Variants in SYDE1 observed in about 807,000 individuals in gnomAD.
The protein encoded by SYDE1 is rho GTPase-activating protein SYDE1.
In SYDE1, 34 loss-of-function variants were observed where a neutral mutation model predicts 63.3. That is an observed-to-expected ratio of 0.54 (90% CI 0.41 to 0.71). The LOEUF is 0.71. Ranked by LOEUF, SYDE1 falls within the 30% of genes least tolerant of loss-of-function variation. The pLI is 0.00. For synonymous variants in SYDE1, 467 were observed against 473.4 expected (o/e 0.99, Z 0.18); for missense variants, 925 against 1,042.5 (o/e 0.89, Z 1.55).
Position 15,111,891 on chromosome 19 carries a change from GCAT to G in SYDE1, c.1578+106_1578+108del. On this transcript the variant is annotated intron_variant, in intron 6 of 7. Transcript: ENST00000342784. The surrounding 1 kb of genome is among the most constrained non-coding windows in gnomAD (Gnocchi z 5.5). ...GGCCTGAGATGGGCATGAGCTGGCA[GCAT>G]CATCATATCCCCAAGAAATAGGTGC... is the stretch of plus-strand genomic sequence containing the variant. 3 of 1,210,168 alleles carry G rather than the reference GCAT, an allele frequency of 2.5e-6. No homozygotes were observed. Among genetic ancestry groups the G allele is most frequent in the Non-Finnish European group, 3.4e-6 (3 of 877,854 alleles). 75.0% of individuals were successfully genotyped at this position (1,210,168 alleles called of 1,614,324 possible).
rs1451371334 is a variant in SYDE1, at chr19:15,113,903, C to T, written c.2148C>T (p.Phe716=). 4.3e-6 allele frequency: 7 copies of T among 1,613,996 alleles called. No individual in the cohort carries two copies. Among genetic ancestry groups the T allele is most frequent in the Admixed American group, 1.7e-5 (1 of 60,014 alleles). Residue 716 remains phenylalanine (F), a synonymous_variant, in exon 8 of 8, where the codon TTC becomes TTT. Transcript: ENST00000342784. ...PFNPHLNLKD[F]DALILDLERE... is the part of the protein sequence containing the mutation. ...ACCCGCACCTGAATCTCAAAGACTT[C>T]GACGCCCTCATCCTGGATCTGGAGA...
chr19:15,113,031 A>G lies in SYDE1; in HGVS notation c.1804+460A>G, dbSNP rs181055749. 1.2e-3 allele frequency among the ~76,000 whole-genome samples: 187 copies of G among 152,142 alleles called. No individual in the cohort carries two copies. In the Middle Eastern group the frequency reaches 0.027, roughly 22 times the overall value. On this transcript the variant is annotated intron_variant, in intron 7 of 7. Coordinates refer to ENST00000342784, the MANE Select transcript of SYDE1 (RefSeq NM_033025.6). ...GGGATTCTCCCACCTCAGCCTCCCG[A>G]GTAGCTGGGATTATAGGCACGCACC...
At position 15,107,514 on chromosome 19, in the gene SYDE1, G is replaced by A; in HGVS notation, c.81G>A (p.Lys27=). The A allele has an allele frequency of 6.5e-7, 1 of 1,543,952 alleles. No homozygotes were observed. The highest frequency in any genetic ancestry group is 8.8e-7 in the Non-Finnish European group (1 of 1,142,034). Residue 27 remains lysine (K), a synonymous_variant, in exon 1 of 8, where the codon AAG becomes AAA. Coordinates refer to ENST00000342784, the MANE Select transcript of SYDE1 (RefSeq NM_033025.6). ...TTCCCCGGAAAAAGTCGGACGCCAAGGAGCGCGGTAAGCGGAGATCGGTGG... is the reference window on the plus strand; with the variant it reads ...TTCCCCGGAAAAAGTCGGACGCCAAAGAGCGCGGTAAGCGGAGATCGGTGG... ...EKLPRKKSDA[K]ERGHPAQRPE...
chr19:15,108,959 G>A lies in SYDE1; in HGVS notation c.89-97G>A, dbSNP rs964217499. ...CCATGACTTATCAGGGGCCGGCCAG[G>A]GCCGTACACAGCATCCCACCCACTG... On this transcript the variant is annotated intron_variant, in intron 1 of 7. Coordinates refer to ENST00000342784, the MANE Select transcript of SYDE1 (RefSeq NM_033025.6). The surrounding 1 kb of genome is among the most constrained non-coding windows in gnomAD (Gnocchi z 4.3). 7.0e-7 allele frequency: 1 copy of A among 1,423,642 alleles called. No homozygotes were observed. The highest frequency in any genetic ancestry group is 9.1e-7 in the Non-Finnish European group (1 of 1,092,928). 88.2% of individuals were successfully genotyped at this position (1,423,642 alleles called of 1,614,324 possible). A position where few individuals can be genotyped will look rare whatever the true frequency, so the allele number is the denominator to read the frequency against.
rs1406057941 is a variant in SYDE1, at chr19:15,111,659, T to TGCCCACCCCACTCATCACCCA, written c.1450_1470dup (p.Thr484_Pro490dup). 1 of 1,613,988 alleles carries TGCCCACCCCACTCATCACCCA rather than the reference T, an allele frequency of 6.2e-7. No homozygotes were observed. The highest frequency in any genetic ancestry group is 1.1e-5 in the South Asian group (1 of 91,076). On this transcript the variant is annotated inframe_insertion, in exon 6 of 8. Transcript: ENST00000342784. The surrounding 1 kb of genome is among the most constrained non-coding windows in gnomAD (Gnocchi z 5.5). ...ATCCTCAAGGATTATCTTCGAGAGT[T>TGCCCACCCCACTCATCACCCA]GCCCACCCCACTCATCACCCAGCCC...
At position 15,111,755 on chromosome 19, in the gene SYDE1, C is replaced by A; in HGVS notation, c.1541C>A (p.Thr514Asn). 1 of 1,603,142 alleles carries A rather than the reference C, an allele frequency of 6.2e-7. No individual in the cohort carries two copies. The highest frequency in any genetic ancestry group is 8.5e-7 in the Non-Finnish European group (1 of 1,175,086). Residue 514 changes from threonine (T) to asparagine (N), a missense_variant, in exon 6 of 8, where the codon ACC (threonine) becomes AAC (asparagine). Physicochemically the swap from Thr to Asn is moderately conservative, Grantham distance 65 (BLOSUM62 0). Around this residue, in one of 3 missense-constraint regions of SYDE1, gnomAD observed 71 missense variants for 132.8 expected, o/e 0.53. Transcript: ENST00000342784. The surrounding 1 kb of genome is among the most constrained non-coding windows in gnomAD (Gnocchi z 5.5). ...AGAGTTCCCCCCACCACTGAGGGCACCCGAGGGCTCCTCAGCTGCCTGCCA... is the reference window on the plus strand; with the variant it reads ...AGAGTTCCCCCCACCACTGAGGGCAACCGAGGGCTCCTCAGCTGCCTGCCA... ...PNRVPPTTEGTRGLLSCLPDV... is the reference protein window; with the variant it reads ...PNRVPPTTEGNRGLLSCLPDV...
chr19:15,114,003 G>A lies in SYDE1; in HGVS notation c.*40G>A, dbSNP rs924000048. 6.4e-6 allele frequency: 10 copies of A among 1,574,316 alleles called. No individual in the cohort carries two copies. Among genetic ancestry groups the A allele is most frequent in the Non-Finnish European group, 7.8e-6 (9 of 1,158,434 alleles). On this transcript the variant is annotated 3_prime_UTR_variant, in exon 8 of 8. Coordinates refer to ENST00000342784, the MANE Select transcript of SYDE1 (RefSeq NM_033025.6). ...TGGGACCCCGGTTAGTAAGGACCGG[G>A]CGCCCAGTGGCTAAGGCGGTGCCCT...
chr19:15,113,454 G>C (rs8109089), intron 7 of SYDE1, 106 bp from the exon 8 acceptor site: 948,236 of 1,344,714 alleles, frequency 0.71, 336,807 homozygotes, highest in Non-Finnish European at 0.73. Flanking sequence ...AAACCTGAAA[G>C]GGTCGAAGGC....
rs138937436 is a variant in SYDE1, at chr19:15,108,652, C to T, written c.89-404C>T. Among the ~76,000 whole-genome samples the T allele has an allele frequency of 6.6e-6, 1 of 152,296 alleles. No individual in the cohort carries two copies. Among genetic ancestry groups the T allele is most frequent in the East Asian group, 1.9e-4 (1 of 5,188 alleles). The stretch of plus-strand genomic sequence containing the variant: ...CCTCCCTGGACATGGAAATCACATC[C>T]CCCCATTTCACAGGAGGATACTGAG... On this transcript the variant is annotated intron_variant, in intron 1 of 7. Coordinates refer to ENST00000342784, the MANE Select transcript of SYDE1 (RefSeq NM_033025.6). The surrounding 1 kb of genome is among the most constrained non-coding windows in gnomAD (Gnocchi z 4.3).
rs1329928039 is a variant in SYDE1 at position 15,114,256 on chromosome 19, C to T, written c.*293C>T. 7 of 402,944 alleles carry T rather than the reference C, an allele frequency of 1.7e-5. No individual in the cohort carries two copies. The highest frequency in any genetic ancestry group is 8.5e-5 in the Admixed American group (2 of 23,668). The allele number at this position is 402,944 out of a possible 1,614,324, so 25.0% of individuals were successfully genotyped here. A position where few individuals can be genotyped will look rare whatever the true frequency, so the allele number is the denominator to read the frequency against. On this transcript the variant is annotated 3_prime_UTR_variant, in exon 8 of 8. Coordinates refer to ENST00000342784, the MANE Select transcript of SYDE1 (RefSeq NM_033025.6). Reference sequence around the variant, plus strand: ...CTTTTGTTGCCAAAAAGGTAGTTCTCGCGCTTGCTAGGCTGGCCTCTCTTG... The same window carrying T: ...CTTTTGTTGCCAAAAAGGTAGTTCTTGCGCTTGCTAGGCTGGCCTCTCTTG...
At position 15,109,984 on chromosome 19, in the gene SYDE1, G is replaced by A. The variant is rs1350655470; in HGVS notation, c.711G>A (p.Glu237=). 6 of 1,489,632 alleles carry A rather than the reference G, an allele frequency of 4.0e-6. No individual in the cohort carries two copies. In the African/African-American group the frequency reaches 4.4e-5, roughly 11 times the overall value. 92.3% of individuals were successfully genotyped at this position (1,489,632 alleles called of 1,614,324 possible). ...AGYLSDGDSP[E]RPAGPPSPTS... ...ACCTCAGCGACGGGGACTCACCGGA[G>A]CGCCCAGCTGGGCCCCCATCACCCA... The change falls in exon 3 of 8, where the codon GAG becomes GAA. Residue 237 remains glutamate (E), a synonymous_variant. Transcript: ENST00000342784. The surrounding 1 kb of genome is among the most constrained non-coding windows in gnomAD (Gnocchi z 5.0).
Position 15,114,651 on chromosome 19 carries a change from G to C in SYDE1, c.*688G>C, listed in dbSNP as rs2046373100. On this transcript the variant is annotated 3_prime_UTR_variant, in exon 8 of 8. Coordinates refer to ENST00000342784, the MANE Select transcript of SYDE1 (RefSeq NM_033025.6). The stretch of plus-strand genomic sequence containing the variant: ...TGCCCCCCCCCCCGAAAAAAATTGA[G>C]CACTTAAACCCCTCCCTTTTGGAGG... 1 of 101,504 alleles carries C rather than the reference G, an allele frequency of 9.9e-6. No homozygotes were observed. Among genetic ancestry groups the C allele is most frequent in the Non-Finnish European group, 1.8e-5 (1 of 54,740 alleles). The allele number at this position is 101,504 out of a possible 1,614,324, so 6.3% of individuals were successfully genotyped here. A position where few individuals can be genotyped will look rare whatever the true frequency, so the allele number is the denominator to read the frequency against.
rs1373568489 is a variant in SYDE1, at chr19:15,109,869, C to T, written c.596C>T (p.Ser199Phe). 1 of 1,522,690 alleles carries T rather than the reference C, an allele frequency of 6.6e-7. No individual in the cohort carries two copies. The highest frequency in any genetic ancestry group is 1.2e-5 in the South Asian group (1 of 83,292). The allele number at this position is 1,522,690 out of a possible 1,614,324, so 94.3% of individuals were successfully genotyped here. ...RERERAAPAGSVISRYHLDSS... is the reference protein window; with the variant it reads ...RERERAAPAGFVISRYHLDSS... The stretch of plus-strand genomic sequence containing the variant: ...CGCGAGAGGGCTGCCCCTGCGGGCT[C>T]CGTCATCAGCCGCTACCACCTGGAC... The change falls in exon 3 of 8, where the codon TCC becomes TTC. Residue 199 changes from serine to phenylalanine, a missense_variant. By Grantham distance (155) the Ser-to-Phe change is radical. Transcript: ENST00000342784. The surrounding 1 kb of genome is among the most constrained non-coding windows in gnomAD (Gnocchi z 5.0).
rs2046328406 is a variant in SYDE1 at position 15,109,573 on chromosome 19, G to A, written c.431-131G>A. ...CACCCCGTCAGATGCTCCCAGAGGA[G>A]CATCAGCCTCACACCCTCCTCCCCG... On this transcript the variant is annotated intron_variant, in intron 2 of 7. Coordinates refer to ENST00000342784, the MANE Select transcript of SYDE1 (RefSeq NM_033025.6). The surrounding 1 kb of genome is among the most constrained non-coding windows in gnomAD (Gnocchi z 5.0). The A allele has an allele frequency of 2.1e-6, 2 of 939,518 alleles. No homozygotes were observed. Among genetic ancestry groups the A allele is most frequent in the African/African-American group, 1.7e-5 (1 of 59,294 alleles). The allele number at this position is 939,518 out of a possible 1,614,324, so 58.2% of individuals were successfully genotyped here.
intron 1 of SYDE1, among the ~76,000 whole-genome samples, chr19:15,107,779 C>T (rs2046316897): frequency 6.6e-6 from 1 of 151,488 alleles, no homozygotes; most frequent in Non-Finnish European, 1.5e-5. Context: ...GGGAGGGGGC[C>T]TCGCCCACGA....
chr19:15,109,802 C>G lies in SYDE1; in HGVS notation c.529C>G (p.Arg177Gly), dbSNP rs2046330513. The G allele has an allele frequency of 2.0e-6, 3 of 1,535,838 alleles. No individual in the cohort carries two copies. The highest frequency in any genetic ancestry group is 2.6e-6 in the Non-Finnish European group (3 of 1,145,350). The change falls in exon 3 of 8, where the codon CGG (arginine) becomes GGG (glycine). Residue 177 changes from arginine to glycine, a missense_variant. Coordinates refer to ENST00000342784, the MANE Select transcript of SYDE1 (RefSeq NM_033025.6). The surrounding 1 kb of genome is among the most constrained non-coding windows in gnomAD (Gnocchi z 5.0). ...AAAGATGAAGAAGCTGCCGGAACTG[C>G]GGCGCCGCCTGAGCCTGCGAGGCCC... ...SIKMKKLPEL[R>G]RRLSLRGPRA...
rs184671265 is a variant in SYDE1, at chr19:15,108,444, G to A, written c.89-612G>A. ...CAAAGCATTGAGCGTGGGGGGTCTG[G>A]CCTGGGCTGAGGGACAAGGGCCCAT... is the stretch of plus-strand genomic sequence containing the variant. On this transcript the variant is annotated intron_variant, in intron 1 of 7. Coordinates refer to ENST00000342784, the MANE Select transcript of SYDE1 (RefSeq NM_033025.6). The surrounding 1 kb of genome is among the most constrained non-coding windows in gnomAD (Gnocchi z 4.3). Among the ~76,000 whole-genome samples, 3 of 152,288 alleles carry A rather than the reference G, an allele frequency of 2.0e-5. No individual in the cohort carries two copies. Among genetic ancestry groups the A allele is most frequent in the Admixed American group, 6.5e-5 (1 of 15,300 alleles).
intron 1 of SYDE1, 32 bp downstream of exon 1, chr19:15,107,553 C>G: frequency 6.7e-7 from 1 of 1,501,846 alleles, no homozygotes; most frequent in Middle Eastern, 1.7e-4. Flanking sequence ...ACAGGGGGCG[C>G]CGAGCCCCAC....
At chr19:15,107,589 C>A in intron 1 of SYDE1, 68 bp downstream of exon 1, 5 of 1,220,026 alleles carry the variant, frequency 4.1e-6, no homozygotes, top group Non-Finnish European at 5.7e-6. Flanking sequence ...GGTCCCAGGG[C>A]CCCGAGGACA....
Sources: gnomAD v4.1 joint callset for allele counts (sites outside exome capture counted in the v4.1 genomes callset) on GRCh38, gnomAD v4.1.1 for gene constraint, gnomAD v4.1.1 regional missense constraint, Gnocchi (gnomAD v3.1) non-coding constraint, MANE v1.5 for transcripts, NCBI Gene and HGNC (gene_info 2026-07-23, HGNC 2026-07-21) for gene names.